The following CACNA2D3 variants were observed in gnomAD, a reference collection of about 807,000 sequenced individuals.
CACNA2D3 encodes calcium voltage-gated channel auxiliary subunit alpha2delta 3.
CACNA2D3 carries 60 observed loss-of-function variants against 160.6 expected under a neutral mutation model. That is an observed-to-expected ratio of 0.37 (90% CI 0.30 to 0.46). CACNA2D3 has a LOEUF of 0.46. Ranked by LOEUF, CACNA2D3 falls within the 20% of genes least tolerant of loss-of-function variation. CACNA2D3 has a pLI of 1.00. For missense variants in CACNA2D3, 1,205 were observed against 1,365.0 expected, an observed-to-expected ratio of 0.88 and a Z score of 1.85; for synonymous variants, 558 against 492.9, an observed-to-expected ratio of 1.13 and a Z score of -1.75.
Position 54,820,618 on chromosome 3 carries a change from A to G in CACNA2D3, c.1398+3748A>G, listed in dbSNP as rs1001699531. Among the ~76,000 whole-genome samples the G allele has an allele frequency of 3.3e-5, 5 of 152,168 alleles. No homozygotes were observed. In the East Asian group the frequency reaches 9.6e-4, roughly 29 times the overall value. ...GGTTTTGGCTAAAAAATATGTAGCAATACAGATGCAGCACTTTCAAGGCGT... is the reference window on the plus strand; with the variant it reads ...GGTTTTGGCTAAAAAATATGTAGCAGTACAGATGCAGCACTTTCAAGGCGT... On this transcript the variant is annotated intron_variant, in intron 14 of 37. Transcript: ENST00000474759.
chr3:54,425,128 G>A (rs535086261), intron 4 of CACNA2D3, among the ~76,000 whole-genome samples: 1 of 152,270 alleles, frequency 6.6e-6, no homozygotes, highest in African/African-American at 2.4e-5. Context: ...TCAGGAGTTC[G>A]AGACCAGCCT....
intron 16 of CACNA2D3, among the ~76,000 whole-genome samples, chr3:54,845,689 A>G (rs972098629): frequency 1.3e-5 from 2 of 152,260 alleles, no homozygotes; most frequent in African/African-American, 4.8e-5. Flanking sequence ...CTAATAAAAC[A>G]TTTCATTGCT....
intron 10 of CACNA2D3, among the ~76,000 whole-genome samples, chr3:54,634,960 A>G (rs936001688): frequency 2.0e-5 from 3 of 152,026 alleles, no homozygotes; most frequent in African/African-American, 7.3e-5. Flanking sequence ...TAAGAAAAAT[A>G]AAACAAGATA....
rs139766653 is a variant in CACNA2D3 at position 54,514,951 on chromosome 3, G to C, written c.544+11297G>C. ...TGTTCAAGGAATACGAATTTCTACTGTAGAAAAAGAAAGCCGTTCAATCTG... is the reference window on the plus strand; with the variant it reads ...TGTTCAAGGAATACGAATTTCTACTCTAGAAAAAGAAAGCCGTTCAATCTG... On this transcript the variant is annotated intron_variant, in intron 5 of 37. Transcript: ENST00000474759. 5.9e-3 allele frequency among the ~76,000 whole-genome samples: 899 copies of C among 152,284 alleles called. 9 individuals are homozygous for C. Among genetic ancestry groups the C allele is most frequent in the African/African-American group, 0.019 (803 of 41,562 alleles).
intron 9 of CACNA2D3, among the ~76,000 whole-genome samples, chr3:54,585,746 A>G (rs1403871303): frequency 6.6e-6 from 1 of 151,962 alleles, no homozygotes; most frequent in Non-Finnish European, 1.5e-5. Flanking sequence ...CATAGGAAAA[A>G]CCCACCTTCA....
chr3:54,533,794 A>AGT (rs61234075), intron 5 of CACNA2D3, among the ~76,000 whole-genome samples: 89 of 149,858 alleles, frequency 5.9e-4, no homozygotes, highest in East Asian at 2.6e-3. Flanking sequence ...AATGGAAAAT[A>AGT]GTGTGTGTGT....
chr3:54,870,363 G>T (rs762318172), intron 17 of CACNA2D3, among the ~76,000 whole-genome samples: 4 of 152,212 alleles, frequency 2.6e-5, no homozygotes, highest in Non-Finnish European at 2.9e-5. Flanking sequence ...GACTGACCCT[G>T]CATCTCACTT....
At chr3:54,929,241 T>C (rs1701117440) in intron 27 of CACNA2D3, among the ~76,000 whole-genome samples, 1 of 152,206 alleles carries the variant, frequency 6.6e-6, no homozygotes, top group South Asian at 2.1e-4. Context: ...TACCAGGCTG[T>C]GCCCAGGATT....
intron 4 of CACNA2D3, among the ~76,000 whole-genome samples, chr3:54,437,912 G>A (rs1331886921): frequency 1.3e-5 from 2 of 152,196 alleles, no homozygotes; most frequent in Admixed American, 1.3e-4. Flanking sequence ...CTGTCACATG[G>A]CAGGGGGTGG....
chr3:54,522,933 T>TTAC (rs1559503842), intron 5 of CACNA2D3, among the ~76,000 whole-genome samples: 11,674 of 135,148 alleles, frequency 0.086, 548 homozygotes, highest in African/African-American at 0.094. Context: ...TATTTATTTA[T>TTAC]TTACTTACTT....
intron 2 of CACNA2D3, among the ~76,000 whole-genome samples, chr3:54,125,782 C>G (rs1559854639): frequency 6.6e-6 from 1 of 152,190 alleles, no homozygotes; most frequent in African/African-American, 2.4e-5. Context: ...GGGAGTAGAT[C>G]TGAGTGCTCA....
Position 54,675,544 on chromosome 3 carries a change from C to T in CACNA2D3, c.1167+33303C>T, listed in dbSNP as rs1216710827. 3.9e-5 allele frequency among the ~76,000 whole-genome samples: 6 copies of T among 152,104 alleles called. No homozygotes were observed. The South Asian group carries it at 1.2e-3, about 32-fold the overall frequency. On this transcript the variant is annotated intron_variant, in intron 11 of 37. Transcript: ENST00000474759. ...CTCTTCATCTTCTCTCCCTGAAGTT[C>T]ATGGCTTAGGCAGTGGGCAGGGATG...
intron 35 of CACNA2D3, among the ~76,000 whole-genome samples, chr3:55,069,583 AC>A (rs1704753449): frequency 6.6e-6 from 1 of 152,204 alleles, no homozygotes; most frequent in African/African-American, 2.4e-5. Flanking sequence ...TGATTATGTA[AC>A]TAGCCAGCTT....
At chr3:54,901,841 C>G (rs1460971391) in intron 27 of CACNA2D3, among the ~76,000 whole-genome samples, 1 of 152,166 alleles carries the variant, frequency 6.6e-6, no homozygotes, top group Non-Finnish European at 1.5e-5. Context: ...TCAAGAAGAC[C>G]TCTCTGTCTC....
At chr3:54,249,491 A>G (rs372451690) in intron 2 of CACNA2D3, among the ~76,000 whole-genome samples, 175 of 151,124 alleles carry the variant, frequency 1.2e-3, no homozygotes, top group African/African-American at 3.9e-3. Flanking sequence ...CTGCCAGGCT[A>G]CATTTGAACT....
intron 2 of CACNA2D3, among the ~76,000 whole-genome samples, chr3:54,206,562 C>A (rs748388135): frequency 6.6e-6 from 1 of 152,124 alleles, no homozygotes; most frequent in African/African-American, 2.4e-5. Flanking sequence ...GAAACCCTGC[C>A]GCGACCCAAC....
intron 12 of CACNA2D3, among the ~76,000 whole-genome samples, chr3:54,759,736 T>A (rs931907480): frequency 4.6e-5 from 7 of 152,062 alleles, no homozygotes; most frequent in African/African-American, 1.7e-4. Flanking sequence ...ATCCTCAGAG[T>A]TCCCCAGCTA....
chr3:54,684,340 C>A (rs1333128641), intron 11 of CACNA2D3, among the ~76,000 whole-genome samples: 1 of 152,164 alleles, frequency 6.6e-6, no homozygotes, highest in Non-Finnish European at 1.5e-5. Flanking sequence ...TTGACTGTAT[C>A]TGCGAAGACC....
intron 9 of CACNA2D3, among the ~76,000 whole-genome samples, chr3:54,618,374 T>TATATATACACACACACAC: frequency 1.8e-5 from 1 of 54,582 alleles, no homozygotes. Context: ...TATATATATA[T>TATATATACACACACACAC]GCACACACAC....
Sources: gnomAD v4.1 joint callset for allele counts (sites outside exome capture counted in the v4.1 genomes callset) on GRCh38, gnomAD v4.1.1 for gene constraint, MANE v1.5 for transcripts, NCBI Gene and HGNC (gene_info 2026-07-23, HGNC 2026-07-21) for gene names.